The following CLSTN2 variants were observed in gnomAD, a reference collection of about 807,000 sequenced individuals.
CLSTN2 encodes calsyntenin-2.
Under a neutral mutation model 101.2 loss-of-function variants are expected in CLSTN2, and 48 were observed. The ratio of observed to expected loss-of-function variants is 0.47; its 90% confidence interval spans 0.38 to 0.60. CLSTN2 has a LOEUF of 0.60. Ranked by LOEUF, CLSTN2 falls within the 20% of genes least tolerant of loss-of-function variation. The probability of loss-of-function intolerance (pLI) is 0.00; values close to 1 mark genes in which losing one functional copy is unlikely to be tolerated. For synonymous variants in CLSTN2, 481 were observed against 463.6 expected (o/e 1.04, Z -0.48); for missense variants, 1,160 against 1,238.2 (o/e 0.94, Z 0.95).
intron 2 of CLSTN2, among the ~76,000 whole-genome samples, chr3:140,390,170 T>G (rs925298805): frequency 1.3e-5 from 2 of 152,078 alleles, no homozygotes; most frequent in Non-Finnish European, 2.9e-5. Flanking sequence ...TTTACTTACT[T>G]TAGGTTTACT....
At chr3:140,541,513 C>T (rs1341110363) in intron 9 of CLSTN2, among the ~76,000 whole-genome samples, 1 of 152,204 alleles carries the variant, frequency 6.6e-6, no homozygotes, top group East Asian at 1.9e-4. Context: ...TTCTGATTCT[C>T]GGTCACTAAT....
At chr3:140,281,278 G>A (rs1559827746) in intron 2 of CLSTN2, among the ~76,000 whole-genome samples, 6 of 152,316 alleles carry the variant, frequency 3.9e-5, no homozygotes. Context: ...TAGTGTCTAA[G>A]ATGTGGTAGG....
At position 140,569,288 on chromosome 3, in the gene CLSTN2, A is replaced by C. The variant is rs6775380; in HGVS notation, c.*3035A>C. ...AAGGCCTAGACACCCTATGACCTCT[A>C]ACTGAGATGTTGGCAGCCAGGCAGA... On this transcript the variant is annotated 3_prime_UTR_variant, in exon 17 of 17. Transcript: ENST00000458420. The C allele has an allele frequency of 0.55, 83,242 of 152,162 alleles. 25,633 individuals are homozygous for C. The highest frequency in any genetic ancestry group is 0.74 in the Middle Eastern group (217 of 294). The allele number at this position is 152,162 out of a possible 1,614,324, so 9.4% of individuals were successfully genotyped here.
In CLSTN2 at chr3:140,108,723, T is replaced by C. The variant is rs182118608; in HGVS notation, c.110-67228T>C. Among the ~76,000 whole-genome samples the C allele has an allele frequency of 5.3e-3, 806 of 152,264 alleles. 2 individuals carry two copies. The highest frequency in any genetic ancestry group is 0.012 in the Admixed American group (180 of 15,294). ...TCTCATGGTATTTATTTTGTTTTGT[T>C]TTGTTGTATTTTGAAGCCCTATTTC... On this transcript the variant is annotated intron_variant, in intron 1 of 16. Transcript: ENST00000458420.
intron 8 of CLSTN2, among the ~76,000 whole-genome samples, chr3:140,488,286 C>T (rs558403181): frequency 6.6e-6 from 1 of 152,142 alleles, no homozygotes; most frequent in Non-Finnish European, 1.5e-5. Flanking sequence ...CATTATGGAG[C>T]AGTCAAAGGA....
At chr3:140,463,174 G>T (rs1449024665) in intron 7 of CLSTN2, among the ~76,000 whole-genome samples, 1 of 152,154 alleles carries the variant, frequency 6.6e-6, no homozygotes, top group Non-Finnish European at 1.5e-5. Context: ...CCCCTGCCTT[G>T]TCGCAGTAAT....
chr3:140,365,500 G>A (rs573065104), intron 2 of CLSTN2, among the ~76,000 whole-genome samples: 15 of 152,272 alleles, frequency 9.9e-5, no homozygotes, highest in Admixed American at 3.3e-4. Context: ...TATTTGCACA[G>A]CCCTGTACCA....
chr3:139,967,953 T>C (rs1456296472), intron 1 of CLSTN2, among the ~76,000 whole-genome samples: 1 of 152,090 alleles, frequency 6.6e-6, no homozygotes, highest in Non-Finnish European at 1.5e-5. Context: ...ACCTCTGAGG[T>C]CCCATAGTCT....
chr3:140,399,966 G>GA (rs200457908), intron 2 of CLSTN2, among the ~76,000 whole-genome samples: 117 of 140,336 alleles, frequency 8.3e-4, no homozygotes, highest in East Asian at 3.5e-3. Flanking sequence ...AGGGCAGCCT[G>GA]AAAAAAAAAA....
chr3:140,234,952 A>G (rs1402275108), intron 2 of CLSTN2, among the ~76,000 whole-genome samples: 1 of 152,190 alleles, frequency 6.6e-6, no homozygotes, highest in Non-Finnish European at 1.5e-5. Flanking sequence ...ACCGCCACAG[A>G]GTTCCCCTCT....
At chr3:140,319,586 C>A (rs1268298391) in intron 2 of CLSTN2, among the ~76,000 whole-genome samples, 2 of 152,158 alleles carry the variant, frequency 1.3e-5, no homozygotes, top group Non-Finnish European at 2.9e-5. Context: ...AGCTTCAGAA[C>A]AAATCAGGAT....
At chr3:140,388,076 C>T (rs189055242) in intron 2 of CLSTN2, among the ~76,000 whole-genome samples, 5 of 152,290 alleles carry the variant, frequency 3.3e-5, no homozygotes, top group East Asian at 1.9e-4. Flanking sequence ...GAAATCTTGC[C>T]GTGGTTTAAC....
intron 1 of CLSTN2, among the ~76,000 whole-genome samples, chr3:139,951,704 C>T (rs978931929): frequency 5.3e-5 from 8 of 152,004 alleles, no homozygotes. Context: ...ATGAATTGGG[C>T]TGGAATATCT....
chr3:140,191,045 TGTAGA>T (rs2010559556), intron 2 of CLSTN2, among the ~76,000 whole-genome samples: 1 of 152,138 alleles, frequency 6.6e-6, no homozygotes, highest in African/African-American at 2.4e-5. Context: ...TAATGTTACC[TGTAGA>T]GGTTTTGTAA....
At chr3:140,007,616 C>A (rs934039381) in intron 1 of CLSTN2, among the ~76,000 whole-genome samples, 1 of 152,130 alleles carries the variant, frequency 6.6e-6, no homozygotes, top group Non-Finnish European at 1.5e-5. Flanking sequence ...GGATTCCATC[C>A]ACCATCCCAC....
chr3:139,949,457 C>T (rs748843410), intron 1 of CLSTN2, among the ~76,000 whole-genome samples: 3 of 152,168 alleles, frequency 2.0e-5, no homozygotes, highest in African/African-American at 7.2e-5. Context: ...GAGAGGTCAA[C>T]ATCCCAGGAA....
At chr3:140,167,187 G>A (rs1034601556) in intron 1 of CLSTN2, among the ~76,000 whole-genome samples, 2 of 152,226 alleles carry the variant, frequency 1.3e-5, no homozygotes, top group South Asian at 2.1e-4. Flanking sequence ...TGTGAATGCC[G>A]TCTCAGTCCA....
chr3:140,362,891 A>C (rs1045764929), intron 2 of CLSTN2, among the ~76,000 whole-genome samples: 4 of 152,190 alleles, frequency 2.6e-5, no homozygotes, highest in African/African-American at 9.6e-5. Context: ...GAAGAGTAAA[A>C]TCATGCCACC....
rs538624445 is a variant in CLSTN2, at chr3:140,523,141, C to T, written c.1345-9183C>T. On this transcript the variant is annotated intron_variant, in intron 8 of 16. Coordinates refer to ENST00000458420, the MANE Select transcript of CLSTN2 (RefSeq NM_022131.3). ...TTGGACTTGATGCCCATGCACAGAG[C>T]AGGCCTGGGCGTCTAACTTCTCGGA... Among the ~76,000 whole-genome samples the T allele has an allele frequency of 1.2e-4, 18 of 152,022 alleles. No homozygotes were observed. In the South Asian group the frequency reaches 3.8e-3, roughly 32 times the overall value.
Sources: gnomAD v4.1 joint callset for allele counts (sites outside exome capture counted in the v4.1 genomes callset) on GRCh38, gnomAD v4.1.1 for gene constraint, MANE v1.5 for transcripts, NCBI Gene and HGNC (gene_info 2026-07-23, HGNC 2026-07-21) for gene names.